Variants in PYROXD2 observed in about 807,000 individuals in gnomAD.
PYROXD2 encodes pyridine nucleotide-disulphide oxidoreductase domain 2, also known as pyridine nucleotide-disulfide oxidoreductase domain-containing protein 2.
PYROXD2 carries 69 observed loss-of-function variants against 71.1 expected under a neutral mutation model. The ratio of observed to expected loss-of-function variants is 0.97; its 90% CI spans 0.80 to 1.19. PYROXD2 has a LOEUF of 1.19. PYROXD2 is among the 50% of genes most tolerant of loss of function. The probability of loss-of-function intolerance (pLI) is 0.00; values close to 1 mark genes in which losing one functional copy is unlikely to be tolerated. For synonymous variants in PYROXD2, 287 were observed against 302.7 expected, an observed-to-expected ratio of 0.95 and a Z score of 0.54; for missense variants, 745 against 748.9, an observed-to-expected ratio of 0.99 and a Z score of 0.06.
In PYROXD2 at chr10:98,392,463, G is replaced by C. The variant is rs768287953; in HGVS notation, c.1031C>G (p.Pro344Arg). Residue 344 changes from proline (P) to arginine (R), a missense_variant, in exon 10 of 16, where the codon CCG (proline) becomes CGG (arginine). Physicochemically the swap from Pro to Arg is moderately radical, Grantham distance 103. Coordinates refer to ENST00000370575, the MANE Select transcript of PYROXD2 (RefSeq NM_032709.3). Reference protein sequence around the residue: ...RSKMVLSNTSPQITFLKLTPQ... With the variant: ...RSKMVLSNTSRQITFLKLTPQ... ...CGTCAGCTTCAGGAAGGTGATCTGC[G>C]GTGATGTGTTGGACAGCACCATTTT... 6.2e-6 allele frequency: 10 copies of C among 1,613,704 alleles called. No homozygotes were observed. The East Asian group carries it at 1.8e-4, about 29-fold the overall frequency.
Position 98,397,429 on chromosome 10 carries a change from G to C in PYROXD2, c.541C>G (p.Pro181Ala). The C allele has an allele frequency of 6.2e-7, 1 of 1,613,450 alleles. No homozygotes were observed. The highest frequency in any genetic ancestry group is 8.5e-7 in the Non-Finnish European group (1 of 1,179,584). ...TGCTGGAAGGCCGCCATGTCCACGG[G>C]GGCCGCATCCAGCAGAGGGTCAATG... is the stretch of plus-strand genomic sequence containing the variant. The part of the protein sequence containing the change: ...LAIDPLLDAA[P>A]VDMAAFQHGS... The change falls in exon 6 of 16, where the codon CCC (proline) becomes GCC (alanine). Residue 181 changes from proline to alanine, a missense_variant. Transcript: ENST00000370575.
chr10:98,411,047 C>G (rs144020669), intron 1 of PYROXD2, 89 bp from the exon 2 acceptor site: 2 of 1,534,048 alleles, frequency 1.3e-6, no homozygotes, highest in African/African-American at 2.7e-5. Flanking sequence ...CCCCGCTGCC[C>G]GTCCCCATGC....
chr10:98,397,027 T>C (rs1303814181), intron 6 of PYROXD2, among the ~76,000 whole-genome samples: 2 of 152,174 alleles, frequency 1.3e-5, no homozygotes, highest in Non-Finnish European at 2.9e-5. Flanking sequence ...TGCTGGCTAG[T>C]GCGATCACAC....
At chr10:98,409,898 C>A (rs1221835251) in intron 2 of PYROXD2, among the ~76,000 whole-genome samples, 4 of 151,958 alleles carry the variant, frequency 2.6e-5, no homozygotes, top group African/African-American at 4.8e-5. Context: ...GCCAACATGG[C>A]GAAACCCCGT....
At chr10:98,400,559 A>T (rs1460898532) in intron 4 of PYROXD2, among the ~76,000 whole-genome samples, 1 of 151,894 alleles carries the variant, frequency 6.6e-6, no homozygotes, top group Admixed American at 6.6e-5. Context: ...ACCACACTAC[A>T]TCACATCACA....
intron 4 of PYROXD2, among the ~76,000 whole-genome samples, chr10:98,402,898 GT>G (rs753425446): frequency 3.6e-4 from 55 of 152,198 alleles, no homozygotes; most frequent in African/African-American, 8.9e-4. Flanking sequence ...ACACAGTGTA[GT>G]TAATAAGCAT....
rs776182025 is a variant in PYROXD2 at position 98,395,224 on chromosome 10, T to C, written c.757A>G (p.Met253Val). ...TLATDAVIGA[M>V]TSPHTPGSGY... Reference sequence around the variant, plus strand: ...CTCCCCGGAGTGTGGGGACTTGTCATGGCTCCAATCACTGCATCTGTGGCT... The same window carrying C: ...CTCCCCGGAGTGTGGGGACTTGTCACGGCTCCAATCACTGCATCTGTGGCT... The change falls in exon 8 of 16, where the codon ATG becomes GTG. Residue 253 changes from methionine to valine, a missense_variant. By Grantham distance (21) the Met-to-Val change is conservative. Transcript: ENST00000370575. 62 of 1,614,070 alleles carry C rather than the reference T, an allele frequency of 3.8e-5. No homozygotes were observed. In the South Asian group the frequency reaches 6.0e-4, roughly 16 times the overall value.
rs1419688053 is a variant in PYROXD2, at chr10:98,395,448, GCGGCC to G, written c.626-1_629del. On this transcript the variant is annotated splice_acceptor_variant and coding_sequence_variant, in exon 7 of 16. Transcript: ENST00000370575. LOFTEE classifies it high-confidence loss of function. The stretch of plus-strand genomic sequence containing the variant: ...ATCGGGGAAGCTGGGCTCCCAGGAT[GCGGCC>G]TACAAGAGAAGATCCACAAAACAGA... 1.2e-6 allele frequency: 2 copies of G among 1,614,030 alleles called. No homozygotes were observed. The highest frequency in any genetic ancestry group is 1.7e-6 in the Non-Finnish European group (2 of 1,179,862).
chr10:98,406,819 G>A (rs1175714582), intron 4 of PYROXD2, among the ~76,000 whole-genome samples: 1 of 150,376 alleles, frequency 6.6e-6, no homozygotes, highest in Admixed American at 6.6e-5. Context: ...ATGAACCCGG[G>A]AGGAGGAGCT....
chr10:98,411,023 T>A, intron 1 of PYROXD2, 65 bp from the exon 2 acceptor site: 1 of 1,550,884 alleles, frequency 6.4e-7, no homozygotes, highest in Non-Finnish European at 8.7e-7. Context: ...CAGACAGTCC[T>A]TGAGGAATGT....
intron 14 of PYROXD2, among the ~76,000 whole-genome samples, chr10:98,386,546 CT>C (rs112385802): frequency 6.8e-6 from 1 of 147,730 alleles, no homozygotes; most frequent in African/African-American, 2.5e-5. Context: ...CTTTCTTTTG[CT>C]TTTTTTTTAA....
intron 14 of PYROXD2, 24 bp from the exon 15 acceptor site, chr10:98,385,091 T>A (rs112882382): frequency 1.9e-6 from 3 of 1,612,998 alleles, no homozygotes; most frequent in Admixed American, 1.7e-5. Context: ...GCCACAGTCA[T>A]CAGCACAGGA....
chr10:98,396,557 T>C (rs1843190560), intron 6 of PYROXD2, among the ~76,000 whole-genome samples: 1 of 152,222 alleles, frequency 6.6e-6, no homozygotes, highest in South Asian at 2.1e-4. Context: ...GAGCCTTCCA[T>C]TCGCATACTC....
rs1554879096 is a variant in PYROXD2 at position 98,401,273 on chromosome 10, A to AAAACAAAC, written c.316-1024_316-1017dup. Among the ~76,000 whole-genome samples the AAAACAAAC allele has an allele frequency of 3.0e-4, 37 of 121,680 alleles. 2 individuals carry two copies. The highest frequency in any genetic ancestry group is 1.2e-3 in the African/African-American group (33 of 27,394). 79.8% of individuals were successfully genotyped at this position (121,680 alleles called of 152,430 possible). A position where few individuals can be genotyped will look rare whatever the true frequency, so the allele number is the denominator to read the frequency against. Reference sequence around the variant, plus strand: ...TGTCTCAAAAAAAAAAAAACAAAAAAAAACAAACATAGAAAAGGTACATTA... The same window carrying AAAACAAAC: ...TGTCTCAAAAAAAAAAAAACAAAAAAAAACAAACAAACAAACATAGAAAAGGTACATTA... On this transcript the variant is annotated intron_variant, in intron 4 of 15. Transcript: ENST00000370575.
chr10:98,406,421 G>C (rs1332913735), intron 4 of PYROXD2, among the ~76,000 whole-genome samples: 1 of 152,182 alleles, frequency 6.6e-6, no homozygotes. Flanking sequence ...CTCTGGACTG[G>C]AGACCAGCGA....
intron 10 of PYROXD2, among the ~76,000 whole-genome samples, chr10:98,392,121 C>T (rs566002117): frequency 1.4e-4 from 22 of 152,206 alleles, no homozygotes; most frequent in South Asian, 2.1e-4. Context: ...GGAATTAGAG[C>T]GGTGAGAGGG....
In PYROXD2 at chr10:98,402,642, G is replaced by A. The variant is rs148243842; in HGVS notation, c.316-2385C>T. The stretch of plus-strand genomic sequence containing the variant: ...CGCCTCCAGTTTCTGCTGTCGAGAG[G>A]CTTCCTTCTCCAGATCCGTGGCCTG... On this transcript the variant is annotated intron_variant, in intron 4 of 15. Transcript: ENST00000370575. Among the ~76,000 whole-genome samples the A allele has an allele frequency of 3.9e-5, 6 of 152,226 alleles. No homozygotes were observed. In the East Asian group the frequency reaches 1.2e-3, roughly 29 times the overall value.
intron 8 of PYROXD2, among the ~76,000 whole-genome samples, chr10:98,393,518 A>G (rs1843026390): frequency 6.6e-6 from 1 of 152,150 alleles, no homozygotes; most frequent in Admixed American, 6.5e-5. Flanking sequence ...ACAGAAATCC[A>G]GGTGTCAGCC....
chr10:98,399,340 T>C (rs893747897), intron 5 of PYROXD2, among the ~76,000 whole-genome samples: 8 of 152,194 alleles, frequency 5.3e-5, no homozygotes, highest in African/African-American at 1.9e-4. Flanking sequence ...CTTATAAAAA[T>C]GTCTCCACTG....
Sources: allele counts gnomAD v4.1 joint callset (sites outside exome capture counted in the v4.1 genomes callset), GRCh38; gene constraint gnomAD v4.1.1; transcripts MANE v1.5; gene names NCBI Gene and HGNC (gene_info 2026-07-23, HGNC 2026-07-21).